ATP9B: variants seen among roughly 807,000 people sequenced by gnomAD.
ATP9B encodes the protein ATPase phospholipid transporting 9B.
ATP9B carries 110 observed loss-of-function variants against 146.1 expected under a neutral mutation model. That is an observed-to-expected ratio of 0.75 (90% CI 0.65 to 0.88). The LOEUF (loss-of-function observed/expected upper bound fraction) is 0.88, where lower values mean the gene tolerates loss of function less well. Among genes scored for constraint, ATP9B ranks in the 40% least tolerant of loss-of-function variants. The pLI is 0.00. For synonymous variants in ATP9B, 604 were observed against 569.7 expected, an observed-to-expected ratio of 1.06 and a Z score of -0.86; for missense variants, 1,499 against 1,496.4, an observed-to-expected ratio of 1.00 and a Z score of -0.03.
At chr18:79,366,142 A>T (rs2097026925) in intron 26 of ATP9B, among the ~76,000 whole-genome samples, 1 of 152,248 alleles carries the variant, frequency 6.6e-6, no homozygotes, top group South Asian at 2.1e-4. Flanking sequence ...GCAGAACTGT[A>T]GGGAAGAGAC....
intron 14 of ATP9B, 39 bp downstream of exon 14, chr18:79,303,755 A>G: frequency 6.8e-7 from 1 of 1,481,196 alleles, no homozygotes; most frequent in South Asian, 1.1e-5. Context: ...GCTTCCACAC[A>G]CATCCCGCGC....
Position 79,330,083 on chromosome 18 carries a change from T to C in ATP9B, c.2007T>C (p.Tyr669=). 6.2e-7 allele frequency: 1 copy of C among 1,614,100 alleles called. No individual in the cohort carries two copies. Among genetic ancestry groups the C allele is most frequent in the Non-Finnish European group, 8.5e-7 (1 of 1,179,956 alleles). Residue 669 remains tyrosine (Y), a synonymous_variant, in exon 17 of 30, where the codon TAT becomes TAC. Transcript: ENST00000426216. ...TGGCCATGTCTCCTATCGTGCAGTA[T>C]AATGACTGGCTGGAAGAGGAGGTAT... The part of the protein sequence containing the change: ...ADVAMSPIVQ[Y]NDWLEEECGN...
At chr18:79,273,603 C>T (rs978961362) in intron 12 of ATP9B, among the ~76,000 whole-genome samples, 8 of 152,170 alleles carry the variant, frequency 5.3e-5, no homozygotes, top group Non-Finnish European at 7.3e-5. Flanking sequence ...AGGAGAATCT[C>T]GCGCGATTCT....
intron 25 of ATP9B, among the ~76,000 whole-genome samples, chr18:79,352,060 C>T (rs772175052): frequency 6.6e-6 from 1 of 152,130 alleles, no homozygotes; most frequent in African/African-American, 2.4e-5. Context: ...CTCATGAGCC[C>T]ACAACTCATG....
At chr18:79,167,343 G>C (rs1050740572) in intron 7 of ATP9B, among the ~76,000 whole-genome samples, 4 of 152,204 alleles carry the variant, frequency 2.6e-5, no homozygotes, top group Non-Finnish European at 5.9e-5. Context: ...CGACAGTACA[G>C]CTCTCAGGAG....
At chr18:79,219,271 G>A (rs189382509) in intron 11 of ATP9B, among the ~76,000 whole-genome samples, 7 of 152,208 alleles carry the variant, frequency 4.6e-5, no homozygotes, top group Non-Finnish European at 1.0e-4. Context: ...TGAGGGAGCC[G>A]GGTCCAGGGT....
intron 1 of ATP9B, among the ~76,000 whole-genome samples, chr18:79,082,101 A>C (rs529196803): frequency 6.6e-6 from 1 of 152,040 alleles, no homozygotes; most frequent in Admixed American, 6.5e-5. Flanking sequence ...GGCTTTGTTC[A>C]TTCCTTTTCA....
At chr18:79,167,265 G>A (rs2094983486) in intron 7 of ATP9B, among the ~76,000 whole-genome samples, 1 of 152,110 alleles carries the variant, frequency 6.6e-6, no homozygotes, top group Admixed American at 6.5e-5. Context: ...GTTCTTGTCC[G>A]GCATCCAGGA....
At chr18:79,377,057 C>T (rs1370911237) in intron 29 of ATP9B, among the ~76,000 whole-genome samples, 190 bp from the exon 30 acceptor site, 1 of 152,148 alleles carries the variant, frequency 6.6e-6, no homozygotes, top group Non-Finnish European at 1.5e-5. Flanking sequence ...GAATTATGCC[C>T]GGTATGCAGG....
At chr18:79,100,614 T>G (rs187463906) in intron 2 of ATP9B, among the ~76,000 whole-genome samples, 33 of 152,316 alleles carry the variant, frequency 2.2e-4, no homozygotes, top group Non-Finnish European at 4.4e-5. Flanking sequence ...AATTTTGAAT[T>G]TGGAAATAAT....
chr18:79,203,064 G>C (rs1441964126), intron 9 of ATP9B, among the ~76,000 whole-genome samples: 1 of 152,208 alleles, frequency 6.6e-6, no homozygotes, highest in African/African-American at 2.4e-5. Context: ...ACAATTGTGT[G>C]AATTTCTACT....
chr18:79,193,373 C>G, intron 9 of ATP9B, 110 bp downstream of exon 9: 1 of 908,378 alleles, frequency 1.1e-6, no homozygotes, highest in Non-Finnish European at 1.7e-6. Flanking sequence ...AAGTTTCAAA[C>G]TAGGAAGGGA....
chr18:79,340,417 CATG>C (rs1568750167), intron 19 of ATP9B: 1 of 152,128 alleles, frequency 6.6e-6, no homozygotes, highest in East Asian at 1.9e-4. Flanking sequence ...TCAACTTTGT[CATG>C]ATGATGTGTC....
chr18:79,271,570 A>T (rs1279306296), intron 12 of ATP9B, among the ~76,000 whole-genome samples: 2 of 152,282 alleles, frequency 1.3e-5, no homozygotes, highest in Non-Finnish European at 2.9e-5. Flanking sequence ...ACATGAACTC[A>T]TCATTTTTTA....
At chr18:79,307,695 G>GA (rs1165703558) in intron 15 of ATP9B, among the ~76,000 whole-genome samples, 1 of 152,174 alleles carries the variant, frequency 6.6e-6, no homozygotes, top group Non-Finnish European at 1.5e-5. Flanking sequence ...AAATTGGAAT[G>GA]TAAATAATTT....
intron 11 of ATP9B, among the ~76,000 whole-genome samples, chr18:79,224,220 C>CT (rs988126228): frequency 1.1e-4 from 17 of 152,136 alleles, no homozygotes; most frequent in African/African-American, 4.1e-4. Flanking sequence ...TCCTTGATTC[C>CT]TTACCCCTGT....
At chr18:79,307,448 A>G (rs976661646) in intron 15 of ATP9B, 8 of 618,870 alleles carry the variant, frequency 1.3e-5, no homozygotes, top group African/African-American at 1.8e-5. Context: ...CGGCCGCCAC[A>G]TCTCGGCACA....
intron 15 of ATP9B, among the ~76,000 whole-genome samples, chr18:79,311,409 G>A (rs1391172408): frequency 4.6e-5 from 7 of 152,066 alleles, no homozygotes; most frequent in Non-Finnish European, 1.0e-4. Flanking sequence ...GGTTGTCCAG[G>A]GGACAGATAT....
At chr18:79,324,106 G>A (rs1455515235) in intron 15 of ATP9B, among the ~76,000 whole-genome samples, 2 of 152,074 alleles carry the variant, frequency 1.3e-5, no homozygotes, top group African/African-American at 4.8e-5. Flanking sequence ...TTTGAGAAAT[G>A]TCTGTTCAGA....
Sources: gnomAD v4.1 joint callset for allele counts (sites outside exome capture counted in the v4.1 genomes callset) on GRCh38, gnomAD v4.1.1 for gene constraint, MANE v1.5 for transcripts, NCBI Gene and HGNC (gene_info 2026-07-23, HGNC 2026-07-21) for gene names.